TPST1: variants seen among roughly 807,000 people sequenced by gnomAD.
TPST1 encodes the protein tyrosylprotein sulfotransferase 1.
Under a neutral mutation model 34.8 loss-of-function variants are expected in TPST1, and 20 were observed. The ratio of observed to expected loss-of-function variants is 0.57; its 90% CI spans 0.40 to 0.84. The LOEUF (loss-of-function observed/expected upper bound fraction) is 0.84. Ranked by LOEUF, TPST1 falls within the 40% of genes least tolerant of loss-of-function variation. TPST1 has a pLI of 0.00. For synonymous variants in TPST1, 152 were observed against 159.4 expected, an observed-to-expected ratio of 0.95 and a Z score of 0.35; for missense variants, 353 against 455.5, an observed-to-expected ratio of 0.78 and a Z score of 2.05.
At chr7:66,292,831 G>A (rs1791112292) in intron 3 of TPST1, among the ~76,000 whole-genome samples, 1 of 151,646 alleles carries the variant, frequency 6.6e-6, no homozygotes, top group South Asian at 2.1e-4. Context: ...CGTCGCTCAC[G>A]CTGGGAGCTG....
chr7:66,344,763 G>A (rs1442906825), intron 3 of TPST1, among the ~76,000 whole-genome samples: 9 of 136,164 alleles, frequency 6.6e-5, no homozygotes, highest in African/African-American at 1.4e-4. Context: ...TCACTCTGTC[G>A]CCCAGGCTGG....
chr7:66,265,195 C>G (rs1293541046), intron 2 of TPST1, among the ~76,000 whole-genome samples: 3 of 152,014 alleles, frequency 2.0e-5, no homozygotes, highest in African/African-American at 7.2e-5. Flanking sequence ...TCAAGTGTAC[C>G]AACATACACA....
chr7:66,280,281 C>T (rs1327233495), intron 2 of TPST1, among the ~76,000 whole-genome samples: 2 of 152,206 alleles, frequency 1.3e-5, no homozygotes, highest in African/African-American at 4.8e-5. Context: ...AGAGGACCTT[C>T]CTCTAAGCAT....
chr7:66,236,055 G>A (rs1789906168), intron 1 of TPST1, among the ~76,000 whole-genome samples: 1 of 151,904 alleles, frequency 6.6e-6, no homozygotes, highest in Non-Finnish European at 1.5e-5. Flanking sequence ...TTTAAAAAAA[G>A]GAATTCATTA....
upstream of TPST1, among the ~76,000 whole-genome samples, chr7:66,200,592 T>C (rs1789024930): frequency 6.6e-6 from 1 of 151,746 alleles, no homozygotes; most frequent in Non-Finnish European, 1.5e-5. Context: ...GCTAATTTTT[T>C]TGTATTTTTA....
chr7:66,285,532 C>G (rs143106758), intron 2 of TPST1, among the ~76,000 whole-genome samples: 121 of 152,280 alleles, frequency 7.9e-4, no homozygotes, highest in African/African-American at 2.8e-3. Flanking sequence ...ATTTTGGAAG[C>G]AGATCCCCTT....
At chr7:66,208,070 G>A (rs948051234) in intron 1 of TPST1, among the ~76,000 whole-genome samples, 1 of 151,220 alleles carries the variant, frequency 6.6e-6, no homozygotes, top group African/African-American at 2.4e-5. Context: ...AATCCTCCAC[G>A]TTGCTGCTGG....
chr7:66,201,534 T>C (rs1314184580), upstream of TPST1, among the ~76,000 whole-genome samples: 2 of 151,654 alleles, frequency 1.3e-5, no homozygotes, highest in Non-Finnish European at 2.9e-5. Flanking sequence ...CTACTAAAAA[T>C]ACAAAAATTA....
At chr7:66,217,433 T>C (rs1789446450) in intron 1 of TPST1, among the ~76,000 whole-genome samples, 1 of 152,248 alleles carries the variant, frequency 6.6e-6, no homozygotes, top group African/African-American at 2.4e-5. Context: ...TTCCCTCTTA[T>C]AAAATGTCTT....
At chr7:66,324,800 C>A (rs1328724527) in intron 3 of TPST1, among the ~76,000 whole-genome samples, 3 of 109,248 alleles carry the variant, frequency 2.7e-5, no homozygotes, top group Admixed American at 1.0e-4. Context: ...GACTCTGTCT[C>A]AAAAAAAAAA....
chr7:66,241,640 G>A (rs1790038862), intron 2 of TPST1, among the ~76,000 whole-genome samples: 1 of 152,178 alleles, frequency 6.6e-6, no homozygotes, highest in Non-Finnish European at 1.5e-5. Flanking sequence ...AGATATTGTT[G>A]TTAATGAGGA....
At chr7:66,342,931 CAA>C (rs1467263973) in intron 3 of TPST1, among the ~76,000 whole-genome samples, 2 of 152,102 alleles carry the variant, frequency 1.3e-5, no homozygotes, top group Non-Finnish European at 2.9e-5. Context: ...GAAAAATACC[CAA>C]AGTGTATCAG....
At position 66,266,852 on chromosome 7, in the gene TPST1, G is replaced by C. The variant is rs79900082; in HGVS notation, c.846-19659G>C. On this transcript the variant is annotated intron_variant, in intron 2 of 5. Transcript: ENST00000304842. ...AACCAATCTTTTGTGATAGTAGTTAGAATAGTGGTTATTCTAGGGGGCTGA... is the reference window on the plus strand; with the variant it reads ...AACCAATCTTTTGTGATAGTAGTTACAATAGTGGTTATTCTAGGGGGCTGA... Among the ~76,000 whole-genome samples, 1,145 of 152,220 alleles carry C rather than the reference G, an allele frequency of 7.5e-3. 18 individuals carry two copies. The highest frequency in any genetic ancestry group is 0.026 in the African/African-American group (1,077 of 41,532).
chr7:66,335,914 T>C (rs78971403), intron 3 of TPST1, among the ~76,000 whole-genome samples: 2,233 of 152,296 alleles, frequency 0.015, 61 homozygotes, highest in East Asian at 0.093. Context: ...TAGGGAAATA[T>C]GACACCACCA....
intron 1 of TPST1, among the ~76,000 whole-genome samples, chr7:66,206,793 A>G (rs772175914): frequency 5.3e-5 from 8 of 152,166 alleles, no homozygotes; most frequent in Non-Finnish European, 1.0e-4. Flanking sequence ...GGGAGCTGCA[A>G]TGAATTTTCA....
At chr7:66,225,551 G>T (rs1376676242) in intron 1 of TPST1, among the ~76,000 whole-genome samples, 1 of 152,130 alleles carries the variant, frequency 6.6e-6, no homozygotes, top group East Asian at 2.0e-4. Flanking sequence ...AGCAGAGGTT[G>T]CAGTGAGCCG....
At chr7:66,220,340 AATTACCTTATTGGCAATCTAAAATTC>A (rs1478812721) in intron 1 of TPST1, among the ~76,000 whole-genome samples, 59 of 152,306 alleles carry the variant, frequency 3.9e-4, no homozygotes, top group Middle Eastern at 6.8e-3. Context: ...TTACAGCCAT[AATTACCTTATTGGCAATCTAAAATTC>A]ATTAATTCAT....
chr7:66,233,200 A>G (rs938603111), intron 1 of TPST1, among the ~76,000 whole-genome samples: 2 of 151,086 alleles, frequency 1.3e-5, no homozygotes, highest in African/African-American at 4.9e-5. Flanking sequence ...AAAAATTTTT[A>G]ATTTTGATGG....
At chr7:66,337,299 A>ATTTT (rs749288846) in intron 3 of TPST1, among the ~76,000 whole-genome samples, 1,381 of 107,712 alleles carry the variant, frequency 0.013, 45 homozygotes, top group African/African-American at 0.045. Flanking sequence ...TAAAAGACAA[A>ATTTT]TTTTTTTTTT....
Sources: gnomAD v4.1 joint callset for allele counts (sites outside exome capture counted in the v4.1 genomes callset) on GRCh38, gnomAD v4.1.1 for gene constraint, MANE v1.5 for transcripts, NCBI Gene and HGNC (gene_info 2026-07-23, HGNC 2026-07-21) for gene names.